The following TAS1R3 variants were observed in gnomAD, a reference collection of about 807,000 sequenced individuals.
The protein encoded by TAS1R3 is taste receptor type 1 member 3.
A neutral mutation model predicts 46.1 loss-of-function variants in TAS1R3; 58 were observed. That is an observed-to-expected ratio of 1.26 (90% CI 1.02 to 1.57). The LOEUF (loss-of-function observed/expected upper bound fraction) is 1.57. TAS1R3 is among the 40% of genes most tolerant of loss of function. TAS1R3 has a pLI of 0.00. For missense variants in TAS1R3, 1,422 were observed against 1,185.8 expected (o/e 1.20, Z -2.93); for synonymous variants, 724 against 544.7 (o/e 1.33, Z -4.58).
At chr1:1,332,843 T>C (rs764828560) in intron 3 of TAS1R3, 37 bp downstream of exon 3, 4 of 1,591,968 alleles carry the variant, frequency 2.5e-6, no homozygotes, top group South Asian at 1.1e-5. Flanking sequence ...GTCCTCTGCA[T>C]GTGCCCAGGC....
chr1:1,333,849 G>A lies in TAS1R3; in HGVS notation c.1944G>A (p.Leu648=), dbSNP rs769781110. The change falls in exon 6 of 6, where the codon CTG becomes CTA. Residue 648 remains leucine (L), a synonymous_variant. Coordinates refer to ENST00000339381, the MANE Select transcript of TAS1R3 (RefSeq NM_152228.3). ...PLSHLPLTGC[L]STLFLQAAEI... ...CCCACCTCCCGCTCACGGGCTGCCT[G>A]AGCACACTCTTCCTGCAGGCGGCCG... 1.9e-6 allele frequency: 3 copies of A among 1,600,628 alleles called. No homozygotes were observed. Among genetic ancestry groups the A allele is most frequent in the East Asian group, 2.2e-5 (1 of 44,862 alleles).
At position 1,332,023 on chromosome 1, in the gene TAS1R3, G is replaced by A. The variant is rs751691991; in HGVS notation, c.493-1G>A. 3 of 1,586,558 alleles carry A rather than the reference G, an allele frequency of 1.9e-6. No homozygotes were observed. The highest frequency in any genetic ancestry group is 1.7e-5 in the Admixed American group (1 of 58,842). ...CAGGAGATGCCTCTTGGCCCTTGCAGGTCAGCTACGGTGCTAGCATGGAGC... is the reference window on the plus strand; with the variant it reads ...CAGGAGATGCCTCTTGGCCCTTGCAAGTCAGCTACGGTGCTAGCATGGAGC... On this transcript the variant is annotated splice_acceptor_variant, in intron 2 of 5. Transcript: ENST00000339381. LOFTEE classifies it high-confidence loss of function.
Position 1,333,504 on chromosome 1 carries a change from A to G in TAS1R3, c.1601-2A>G, listed in dbSNP as rs772825006. ...ACCCAGCGCCCTTCTCCTCTCTCAC[A>G]GACGACATCGCCTGCACCTTTTGTG... On this transcript the variant is annotated splice_acceptor_variant, in intron 5 of 5. Transcript: ENST00000339381. LOFTEE classifies it high-confidence loss of function. The G allele has an allele frequency of 6.2e-7, 1 of 1,600,750 alleles. No individual in the cohort carries two copies. The highest frequency in any genetic ancestry group is 8.5e-7 in the Non-Finnish European group (1 of 1,177,850).
chr1:1,334,512 C>A lies in TAS1R3; in HGVS notation c.*48C>A, dbSNP rs777872753. 2 of 1,442,790 alleles carry A rather than the reference C, an allele frequency of 1.4e-6. No homozygotes were observed. The highest frequency in any genetic ancestry group is 2.9e-5 in the African/African-American group (2 of 70,120). 89.4% of individuals were successfully genotyped at this position (1,442,790 alleles called of 1,614,324 possible). A position where few individuals can be genotyped will look rare whatever the true frequency, so the allele number is the denominator to read the frequency against. On this transcript the variant is annotated 3_prime_UTR_variant, in exon 6 of 6. Transcript: ENST00000339381. ...CGGTGAACCCAGACTTAGCTGCGAT[C>A]CCCCCCAAGCCAGCAATGACCCGTG...
Position 1,331,793 on chromosome 1 carries a change from T to C in TAS1R3, c.347T>C (p.Phe116Ser). 6.2e-7 allele frequency: 1 copy of C among 1,612,918 alleles called. No homozygotes were observed. The change falls in exon 2 of 6, where the codon TTC (phenylalanine) becomes TCC (serine). Residue 116 changes from phenylalanine (F) to serine (S), a missense_variant. Transcript: ENST00000339381. ...GTGGCCATGAAGCCCAGCCTCATGT[T>C]CCTGGCCAAGGCAGGCAGCCGCGAC... ...PVVAMKPSLMFLAKAGSRDIA... is the reference protein window; with the variant it reads ...PVVAMKPSLMSLAKAGSRDIA...
chr1:1,333,604 C>T lies in TAS1R3; in HGVS notation c.1699C>T (p.Pro567Ser), dbSNP rs2100691278. The T allele has an allele frequency of 2.5e-6, 4 of 1,609,716 alleles. No individual in the cohort carries two copies. Among genetic ancestry groups the T allele is most frequent in the South Asian group, 2.2e-5 (2 of 91,080 alleles). Residue 567 changes from proline (P) to serine (S), a missense_variant, in exon 6 of 6, where the codon CCG becomes TCG. By Grantham distance (74) the Pro-to-Ser change is moderately conservative. Coordinates refer to ENST00000339381, the MANE Select transcript of TAS1R3 (RefSeq NM_152228.3). The part of the protein sequence containing the change: ...RRSRFLAWGE[P>S]AVLLLLLLLS... ...GTCTCGGTTCCTGGCATGGGGCGAGCCGGCTGTGCTGCTGCTGCTCCTGCT... is the reference window on the plus strand; with the variant it reads ...GTCTCGGTTCCTGGCATGGGGCGAGTCGGCTGTGCTGCTGCTGCTCCTGCT...
chr1:1,331,955 A>G lies in TAS1R3; in HGVS notation c.492+17A>G, dbSNP rs758645359. On this transcript the variant is annotated intron_variant, in intron 2 of 5. Coordinates refer to ENST00000339381, the MANE Select transcript of TAS1R3 (RefSeq NM_152228.3). ...ATGCCCCAGGTGGGCGCCCCCCACCATCACCCACCCCCACCCAGCCCTGCC... is the reference window on the plus strand; with the variant it reads ...ATGCCCCAGGTGGGCGCCCCCCACCGTCACCCACCCCCACCCAGCCCTGCC... The G allele has an allele frequency of 1.1e-6, 1 of 895,730 alleles. No individual in the cohort carries two copies. The highest frequency in any genetic ancestry group is 2.5e-5 in the African/African-American group (1 of 39,330). The allele number at this position is 895,730 out of a possible 1,614,324, so 55.5% of individuals were successfully genotyped here. A position where few individuals can be genotyped will look rare whatever the true frequency, so the allele number is the denominator to read the frequency against.
At chr1:1,332,882 G>C (rs757582167) in intron 3 of TAS1R3, 39 bp from the exon 4 acceptor site, 3 of 1,589,940 alleles carry the variant, frequency 1.9e-6, no homozygotes, top group African/African-American at 1.3e-5. Flanking sequence ...CGCCTGAGCT[G>C]GAGGTGGCTG....
rs747310953 is a variant in TAS1R3 at position 1,334,224 on chromosome 1, C to T, written c.2319C>T (p.Ile773=). The change falls in exon 6 of 6, where the codon ATC becomes ATT. Residue 773 remains isoleucine, a synonymous_variant. Coordinates refer to ENST00000339381, the MANE Select transcript of TAS1R3 (RefSeq NM_152228.3). ...CCTTTGCCATGCTGGCCTACTTCAT[C>T]ACCTGGGTCTCCTTTGTGCCCCTCC... ...GLTFAMLAYF[I]TWVSFVPLLA... 6.2e-7 allele frequency: 1 copy of T among 1,610,096 alleles called. No homozygotes were observed. Among genetic ancestry groups the T allele is most frequent in the South Asian group, 1.1e-5 (1 of 90,382 alleles).
rs765234003 is a variant in TAS1R3, at chr1:1,332,215, C to T, written c.684C>T (p.Ala228=). ...GGCAGGGCCTGAGCATCTTCTCGGCCCTGGCCGCGGCACGCGGCATCTGCA... is the reference window on the plus strand; with the variant it reads ...GGCAGGGCCTGAGCATCTTCTCGGCTCTGGCCGCGGCACGCGGCATCTGCA... ...YGRQGLSIFS[A]LAAARGICIA... Residue 228 remains alanine (A), a synonymous_variant, in exon 3 of 6, where the codon GCC becomes GCT. Coordinates refer to ENST00000339381, the MANE Select transcript of TAS1R3 (RefSeq NM_152228.3). 1.9e-6 allele frequency: 3 copies of T among 1,593,222 alleles called. No individual in the cohort carries two copies. Among genetic ancestry groups the T allele is most frequent in the Admixed American group, 1.7e-5 (1 of 59,268 alleles).
Position 1,331,629 on chromosome 1 carries a change from T to A in TAS1R3, c.192-9T>A, listed in dbSNP as rs750810123. On this transcript the variant is annotated splice_polypyrimidine_tract_variant and intron_variant, in intron 1 of 5. Transcript: ENST00000339381. Reference sequence around the variant, plus strand: ...CGAGGTGGCCATCTGCGGTTCTGTGTGGCCCCAGGTTCTCCTCAAACGGCC... The same window carrying A: ...CGAGGTGGCCATCTGCGGTTCTGTGAGGCCCCAGGTTCTCCTCAAACGGCC... The A allele has an allele frequency of 1.2e-6, 2 of 1,608,198 alleles. No individual in the cohort carries two copies. The highest frequency in any genetic ancestry group is 1.1e-5 in the South Asian group (1 of 90,990).
chr1:1,333,228 G>A (rs377361187), intron 4 of TAS1R3, 31 bp from the exon 5 acceptor site: 103 of 1,595,816 alleles, frequency 6.5e-5, no homozygotes, highest in East Asian at 5.0e-4. Context: ...ATGCCCAGCC[G>A]AGCAGAGCCA....
chr1:1,331,424 C>A lies in TAS1R3; in HGVS notation c.79C>A (p.Gln27Lys). 2 of 1,605,912 alleles carry A rather than the reference C, an allele frequency of 1.2e-6. No homozygotes were observed. The highest frequency in any genetic ancestry group is 8.5e-7 in the Non-Finnish European group (1 of 1,177,144). The change falls in exon 1 of 6, where the codon CAG becomes AAG. Residue 27 changes from glutamine (Q) to lysine (K), a missense_variant. Transcript: ENST00000339381. ...GACGGGGGCCCCATTGTGCCTGTCA[C>A]AGCAACTTAGGATGAAGGGGGACTA... Reference protein sequence around the residue: ...PGTGAPLCLSQQLRMKGDYVL... With the variant: ...PGTGAPLCLSKQLRMKGDYVL...
chr1:1,331,726 C>T lies in TAS1R3; in HGVS notation c.280C>T (p.Arg94Cys), dbSNP rs138021134. ...CAAGTCGGATCTGCTGCCCGGGCTG[C>T]GCCTGGGCTACGACCTCTTTGATAC... The part of the protein sequence containing the change: ...NNKSDLLPGL[R>C]LGYDLFDTCS... Residue 94 changes from arginine (R) to cysteine (C), a missense_variant, in exon 2 of 6, where the codon CGC becomes TGC. Transcript: ENST00000339381. 980 of 1,612,802 alleles carry T rather than the reference C, an allele frequency of 6.1e-4. No homozygotes were observed. The highest frequency in any genetic ancestry group is 7.6e-4 in the Non-Finnish European group (892 of 1,180,016).
At position 1,332,263 on chromosome 1, in the gene TAS1R3, G is replaced by C; in HGVS notation, c.732G>C (p.Pro244=). The C allele has an allele frequency of 6.3e-7, 1 of 1,598,560 alleles. No individual in the cohort carries two copies. Among genetic ancestry groups the C allele is most frequent in the Non-Finnish European group, 8.5e-7 (1 of 1,176,876 alleles). The change falls in exon 3 of 6, where the codon CCG becomes CCC. Residue 244 remains proline, a synonymous_variant. Coordinates refer to ENST00000339381, the MANE Select transcript of TAS1R3 (RefSeq NM_152228.3). Reference sequence around the variant, plus strand: ...GCATCGCGCACGAGGGCCTGGTGCCGCTGCCCCGTGCCGATGACTCGCGGC... The same window carrying C: ...GCATCGCGCACGAGGGCCTGGTGCCCCTGCCCCGTGCCGATGACTCGCGGC... ...GICIAHEGLV[P]LPRADDSRLG...
chr1:1,332,378 C>T lies in TAS1R3; in HGVS notation c.847C>T (p.Leu283Phe). The change falls in exon 3 of 6, where the codon CTC becomes TTC. Residue 283 changes from leucine (L) to phenylalanine (F), a missense_variant. Physicochemically the swap from Leu to Phe is conservative, Grantham distance 22. Coordinates refer to ENST00000339381, the MANE Select transcript of TAS1R3 (RefSeq NM_152228.3). The part of the protein sequence containing the change: ...LFASVHAAHA[L>F]FNYSISSRLS... The stretch of plus-strand genomic sequence containing the variant: ...CGCCTCCGTGCACGCCGCCCACGCC[C>T]TCTTCAACTACAGCATCAGCAGCAG... 6.2e-7 allele frequency: 1 copy of T among 1,601,438 alleles called. No homozygotes were observed. The highest frequency in any genetic ancestry group is 2.2e-5 in the East Asian group (1 of 44,458).
At position 1,333,101 on chromosome 1, in the gene TAS1R3, C is replaced by G. The variant is rs749209554; in HGVS notation, c.1456C>G (p.Arg486Gly). Reference sequence around the variant, plus strand: ...CCTCAGGACAGAGCGCCTGAAGATCCGCTGGCACACGTCTGACAACCAGGT... The same window carrying G: ...CCTCAGGACAGAGCGCCTGAAGATCGGCTGGCACACGTCTGACAACCAGGT... ...GSLRTERLKIRWHTSDNQKPV... is the reference protein window; with the variant it reads ...GSLRTERLKIGWHTSDNQKPV... Residue 486 changes from arginine to glycine, a missense_variant, in exon 4 of 6, where the codon CGC (arginine) becomes GGC (glycine). Transcript: ENST00000339381. 6.2e-7 allele frequency: 1 copy of G among 1,611,868 alleles called. No individual in the cohort carries two copies. Among genetic ancestry groups the G allele is most frequent in the African/African-American group, 1.3e-5 (1 of 74,908 alleles).
rs370629720 is a variant in TAS1R3, at chr1:1,333,272, G to A, written c.1493G>A (p.Arg498Gln). 50 of 1,596,828 alleles carry A rather than the reference G, an allele frequency of 3.1e-5. No homozygotes were observed. Among genetic ancestry groups the A allele is most frequent in the African/African-American group, 2.5e-4 (19 of 74,678 alleles). ...GCCTGTGCGCAGAAGCCCGTGTCCC[G>A]GTGCTCGCGGCAGTGCCAGGAGGGC... is the stretch of plus-strand genomic sequence containing the variant. ...HTSDNQKPVS[R>Q]CSRQCQEGQV... The change falls in exon 5 of 6, where the codon CGG (arginine) becomes CAG (glutamine). Residue 498 changes from arginine (R) to glutamine (Q), a missense_variant. Arg to Gln is a conservative substitution (Grantham distance 43). Transcript: ENST00000339381.
In TAS1R3 at chr1:1,334,105, C is replaced by T; in HGVS notation, c.2200C>T (p.His734Tyr). 1 of 1,583,958 alleles carries T rather than the reference C, an allele frequency of 6.3e-7. No homozygotes were observed. Among genetic ancestry groups the T allele is most frequent in the Non-Finnish European group, 8.6e-7 (1 of 1,165,858 alleles). The change falls in exon 6 of 6, where the codon CAC becomes TAC. Residue 734 changes from histidine (H) to tyrosine (Y), a missense_variant. Physicochemically the swap from His to Tyr is moderately conservative, Grantham distance 83 (BLOSUM62 2). Transcript: ENST00000339381. ...CTCCTGGGTCAGCTTCGGCCTAGCG[C>T]ACGCCACCAATGCCACGCTGGCCTT... ...TRSWVSFGLAHATNATLAFLC... is the reference protein window; with the variant it reads ...TRSWVSFGLAYATNATLAFLC...
Sources: allele counts gnomAD v4.1 joint callset, GRCh38; gene constraint gnomAD v4.1.1; transcripts MANE v1.5; gene names NCBI Gene and HGNC (gene_info 2026-07-23, HGNC 2026-07-21).